The following DOK6 variants were observed in gnomAD, a reference collection of about 807,000 sequenced individuals.
The protein encoded by DOK6 is downstream of tyrosine kinase 6.
DOK6 carries 22 observed loss-of-function variants against 44.0 expected under a neutral mutation model. The ratio of observed to expected loss-of-function variants is 0.50; its 90% CI spans 0.36 to 0.71. DOK6 has a LOEUF of 0.71. Among genes scored for constraint, DOK6 ranks in the 30% least tolerant of loss-of-function variants. The probability of loss-of-function intolerance (pLI) is 0.00; values close to 1 mark genes in which losing one functional copy is unlikely to be tolerated. For missense variants in DOK6, 340 were observed against 416.4 expected (o/e 0.82, Z 1.60); for synonymous variants, 166 against 145.5 (o/e 1.14, Z -1.01).
chr18:69,461,045 G>T (rs1979774003), intron 1 of DOK6, among the ~76,000 whole-genome samples: 1 of 152,158 alleles, frequency 6.6e-6, no homozygotes, highest in Non-Finnish European at 1.5e-5. Context: ...CTCTTAGGAA[G>T]TTCTGAATAT....
At chr18:69,734,348 CTTAGA>C (rs576792893) in intron 5 of DOK6, among the ~76,000 whole-genome samples, 20 of 110,308 alleles carry the variant, frequency 1.8e-4, no homozygotes, top group African/African-American at 5.8e-4. Flanking sequence ...CCTAGAGTTT[CTTAGA>C]TTAAAGTCTG....
intron 1 of DOK6, among the ~76,000 whole-genome samples, chr18:69,421,328 T>G (rs1180474696): frequency 6.6e-6 from 1 of 152,180 alleles, no homozygotes; most frequent in Admixed American, 6.6e-5. Context: ...TTAACATTAT[T>G]TAAGCCCCAG....
chr18:69,599,592 G>C lies in DOK6; in HGVS notation c.289+94G>C, dbSNP rs532927166. On this transcript the variant is annotated intron_variant, in intron 3 of 7. Transcript: ENST00000382713. ...TTAAGGTACACTATTGAACAGGATGGCCTACTGTCATGAGAATGTGCTGTA... is the reference window on the plus strand; with the variant it reads ...TTAAGGTACACTATTGAACAGGATGCCCTACTGTCATGAGAATGTGCTGTA... 3.3e-4 allele frequency: 313 copies of C among 936,828 alleles called. 2 individuals are homozygous for C. The South Asian group carries it at 3.7e-3, about 11-fold the overall frequency. 58.0% of individuals were successfully genotyped at this position (936,828 alleles called of 1,614,324 possible). A position where few individuals can be genotyped will look rare whatever the true frequency, so the allele number is the denominator to read the frequency against.
chr18:69,637,573 T>G (rs1172217085), intron 3 of DOK6, among the ~76,000 whole-genome samples: 1 of 152,176 alleles, frequency 6.6e-6, no homozygotes, highest in Admixed American at 6.5e-5. Context: ...TGTGGTACAT[T>G]AGTGTTCAAA....
chr18:69,416,749 T>A (rs1978351613), intron 1 of DOK6, among the ~76,000 whole-genome samples: 1 of 152,148 alleles, frequency 6.6e-6, no homozygotes, highest in Admixed American at 6.6e-5. Context: ...CTCATAGGGC[T>A]GTGAGGGCTG....
chr18:69,720,264 T>G (rs1453758938), intron 5 of DOK6, among the ~76,000 whole-genome samples: 1 of 152,156 alleles, frequency 6.6e-6, no homozygotes, highest in East Asian at 1.9e-4. Flanking sequence ...TAGGCCAACT[T>G]TCAACTCATT....
chr18:69,504,675 T>A (rs1045238101), intron 1 of DOK6, among the ~76,000 whole-genome samples: 4 of 152,170 alleles, frequency 2.6e-5, no homozygotes, highest in Non-Finnish European at 5.9e-5. Context: ...AAAGTGACAT[T>A]TTTTCCATTT....
intron 1 of DOK6, among the ~76,000 whole-genome samples, chr18:69,478,114 A>G (rs1208770441): frequency 6.6e-6 from 1 of 152,230 alleles, no homozygotes; most frequent in Non-Finnish European, 1.5e-5. Context: ...TGTACTTCAC[A>G]AAATACTTAA....
At chr18:69,624,276 A>G (rs1204435993) in intron 3 of DOK6, among the ~76,000 whole-genome samples, 2 of 152,166 alleles carry the variant, frequency 1.3e-5, no homozygotes, top group Non-Finnish European at 2.9e-5. Flanking sequence ...GATTGTGCCA[A>G]ATAGATTTAG....
chr18:69,675,805 G>A (rs149749685), intron 3 of DOK6, among the ~76,000 whole-genome samples: 1 of 151,952 alleles, frequency 6.6e-6, no homozygotes, highest in South Asian at 2.1e-4. Context: ...TTTAAATCTT[G>A]TATACATTTT....
intron 7 of DOK6, among the ~76,000 whole-genome samples, chr18:69,788,582 A>G (rs1471204119): frequency 1.3e-5 from 2 of 152,234 alleles, no homozygotes; most frequent in Non-Finnish European, 1.5e-5. Context: ...GCACTTAACG[A>G]ACAGAGAGTA....
intron 5 of DOK6, among the ~76,000 whole-genome samples, chr18:69,736,333 GAAAA>G (rs1978606680): frequency 2.0e-5 from 3 of 151,992 alleles, no homozygotes; most frequent in East Asian, 3.9e-4. Context: ...CAAAAACAAA[GAAAA>G]TTCTGGAAAC....
chr18:69,621,819 C>T (rs1015837890), intron 3 of DOK6, among the ~76,000 whole-genome samples: 6 of 152,056 alleles, frequency 3.9e-5, no homozygotes, highest in Non-Finnish European at 7.4e-5. Flanking sequence ...TAATAAAAGA[C>T]GGTGCCTTAC....
intron 3 of DOK6, among the ~76,000 whole-genome samples, chr18:69,651,169 C>A (rs574206403): frequency 6.6e-6 from 1 of 152,154 alleles, no homozygotes; most frequent in African/African-American, 2.4e-5. Context: ...CCGTCCTCCC[C>A]ACTTGAGCCT....
chr18:69,410,475 C>T (rs867964383), intron 1 of DOK6, among the ~76,000 whole-genome samples: 14 of 152,150 alleles, frequency 9.2e-5, no homozygotes, highest in Admixed American at 8.5e-4. Context: ...GTTGTTAGTG[C>T]GAAGACCTCT....
At chr18:69,499,877 C>A (rs1980999839) in intron 1 of DOK6, among the ~76,000 whole-genome samples, 2 of 152,166 alleles carry the variant, frequency 1.3e-5, no homozygotes, top group Non-Finnish European at 2.9e-5. Context: ...CTATCTTTCC[C>A]TCACATTTTA....
intron 1 of DOK6, among the ~76,000 whole-genome samples, chr18:69,480,853 A>G (rs78658208): frequency 6.6e-6 from 1 of 152,086 alleles, no homozygotes; most frequent in East Asian, 1.9e-4. Flanking sequence ...GGCAATGGAG[A>G]TGGGTGGATG....
chr18:69,757,653 C>T (rs1223291212), intron 6 of DOK6, 103 bp from the exon 7 acceptor site: 1 of 896,722 alleles, frequency 1.1e-6, no homozygotes, highest in South Asian at 1.4e-5. Flanking sequence ...GTATCTATAG[C>T]AGATTCTATC....
At chr18:69,627,674 C>A (rs1310274933) in intron 3 of DOK6, among the ~76,000 whole-genome samples, 1 of 152,138 alleles carries the variant, frequency 6.6e-6, no homozygotes, top group Non-Finnish European at 1.5e-5. Context: ...TGGTCTCGAT[C>A]TCCTGACCTT....
Sources: allele counts gnomAD v4.1 joint callset (sites outside exome capture counted in the v4.1 genomes callset), GRCh38; gene constraint gnomAD v4.1.1; transcripts MANE v1.5; gene names NCBI Gene and HGNC (gene_info 2026-07-23, HGNC 2026-07-21).